The following TRAPPC9 variants were observed in gnomAD, a reference collection of about 807,000 sequenced individuals.
The protein encoded by TRAPPC9 is IKK2 binding protein.
Under a neutral mutation model 124.0 loss-of-function variants are expected in TRAPPC9, and 83 were observed. That is an observed-to-expected ratio of 0.67 (90% CI 0.56 to 0.80). TRAPPC9 has a LOEUF of 0.80. TRAPPC9 is among the 30% of genes least tolerant of loss of function. TRAPPC9 has a pLI of 0.00. For missense variants in TRAPPC9, 1,302 were observed against 1,508.3 expected, an observed-to-expected ratio of 0.86 and a Z score of 2.27; for synonymous variants, 638 against 617.5, an observed-to-expected ratio of 1.03 and a Z score of -0.49.
At position 140,196,070 on chromosome 8, in the gene TRAPPC9, CACA is replaced by C. The variant is rs2062657744; in HGVS notation, c.2556+25386_2556+25388del. ...CACATTGAACAATTCACATACAGAC[CACA>C]CCTGTGATACTAAAACACTCAATGA... On this transcript the variant is annotated intron_variant, in intron 17 of 22. Transcript: ENST00000438773. Among the ~76,000 whole-genome samples, 2 of 6,716 alleles carry C rather than the reference CACA, an allele frequency of 3.0e-4. 1 individual carries two copies. The highest frequency in any genetic ancestry group is 6.2e-4 in the Non-Finnish European group (2 of 3,228). 4.4% of individuals were successfully genotyped at this position (6,716 alleles called of 152,430 possible).
chr8:139,865,573 T>A (rs1042667030), intron 21 of TRAPPC9, among the ~76,000 whole-genome samples: 2 of 151,734 alleles, frequency 1.3e-5, no homozygotes, highest in Non-Finnish European at 2.9e-5. Context: ...CCGGGAAGAA[T>A]GAGTAAGAGT....
intron 18 of TRAPPC9, among the ~76,000 whole-genome samples, chr8:140,009,187 G>A (rs1838959586): frequency 6.6e-6 from 1 of 152,100 alleles, no homozygotes; most frequent in African/African-American, 2.4e-5. Context: ...TGATACTTCA[G>A]AAGAACATCC....
intron 20 of TRAPPC9, among the ~76,000 whole-genome samples, chr8:139,896,654 GTA>G (rs1252783014): frequency 1.3e-5 from 2 of 152,320 alleles, no homozygotes; most frequent in East Asian, 3.9e-4. Context: ...TCGATATGTT[GTA>G]TTGACTCCTC....
intron 6 of TRAPPC9, among the ~76,000 whole-genome samples, chr8:140,402,861 T>A (rs955289177): frequency 6.6e-6 from 1 of 151,862 alleles, no homozygotes; most frequent in South Asian, 2.1e-4. Context: ...AAGAAAAAAA[T>A]ATGAATTCAA....
intron 16 of TRAPPC9, among the ~76,000 whole-genome samples, chr8:140,234,961 T>C (rs1395871411): frequency 6.6e-6 from 1 of 152,206 alleles, no homozygotes; most frequent in South Asian, 2.1e-4. Flanking sequence ...TTAAGAAATC[T>C]AAGAAAATTT....
intron 17 of TRAPPC9, among the ~76,000 whole-genome samples, chr8:140,085,282 T>C (rs1318236540): frequency 2.0e-5 from 3 of 151,890 alleles, no homozygotes; most frequent in East Asian, 1.9e-4. Context: ...CTTGCCCTTA[T>C]TTTACACTTT....
chr8:140,135,893 G>A (rs1251629293), intron 17 of TRAPPC9, among the ~76,000 whole-genome samples: 4 of 152,212 alleles, frequency 2.6e-5, no homozygotes, highest in Non-Finnish European at 5.9e-5. Context: ...ATAAGGTGGT[G>A]GGAGCCTGGC....
intron 9 of TRAPPC9, among the ~76,000 whole-genome samples, chr8:140,355,166 C>T (rs997778238): frequency 2.6e-5 from 4 of 152,182 alleles, no homozygotes; most frequent in Non-Finnish European, 5.9e-5. Context: ...TCACAGTGTG[C>T]GTCCCCTTCC....
chr8:140,290,899 T>C (rs1275208825), intron 12 of TRAPPC9, 94 bp downstream of exon 12: 13 of 973,538 alleles, frequency 1.3e-5, no homozygotes, highest in Non-Finnish European at 2.2e-5. Flanking sequence ...CAGACACATA[T>C]CGTAAGATGT....
chr8:140,186,051 T>C (rs2062348435), intron 17 of TRAPPC9, among the ~76,000 whole-genome samples: 1 of 152,158 alleles, frequency 6.6e-6, no homozygotes, highest in African/African-American at 2.4e-5. Flanking sequence ...CCAAAAGCTA[T>C]TGTCACAAGT....
chr8:140,272,117 A>ATGGTGATGGTGGCGATGGTGG (rs2131618933), intron 15 of TRAPPC9, among the ~76,000 whole-genome samples: 1 of 48,770 alleles, frequency 2.1e-5, no homozygotes, highest in East Asian at 3.1e-4. Flanking sequence ...GGTGGTGGCA[A>ATGGTGATGGTGGCGATGGTGG]TGGTGATGGT....
chr8:139,933,874 T>C (rs1359943243), intron 19 of TRAPPC9: 9 of 152,158 alleles, frequency 5.9e-5, no homozygotes, highest in Admixed American at 5.9e-4. Flanking sequence ...TTTCTTTATC[T>C]ATAAAGCAGC....
chr8:140,036,756 G>A (rs866585601), intron 17 of TRAPPC9, among the ~76,000 whole-genome samples: 15 of 152,300 alleles, frequency 9.8e-5, no homozygotes, highest in Non-Finnish European at 1.5e-4. Flanking sequence ...CCAGCGGAGC[G>A]ACCCTCACCT....
chr8:139,826,149 T>C (rs1282584602), intron 21 of TRAPPC9, among the ~76,000 whole-genome samples: 2 of 152,294 alleles, frequency 1.3e-5, no homozygotes, highest in South Asian at 2.1e-4. Context: ...CCAGTCTTTC[T>C]AGGCCCAGAG....
chr8:139,931,530 AT>A (rs1054141363), intron 19 of TRAPPC9: 8 of 152,306 alleles, frequency 5.3e-5, no homozygotes, highest in African/African-American at 1.9e-4. Context: ...CAAAGCTCTC[AT>A]TGTACAAAAA....
intron 10 of TRAPPC9, 62 bp downstream of exon 10, chr8:140,311,186 C>T (rs2066285915): frequency 6.3e-7 from 1 of 1,584,210 alleles, no homozygotes; most frequent in Non-Finnish European, 8.6e-7. Flanking sequence ...TATTCACAAT[C>T]AGACTAGAGG....
At chr8:139,867,126 A>G (rs538032431) in intron 21 of TRAPPC9, among the ~76,000 whole-genome samples, 8 of 152,164 alleles carry the variant, frequency 5.3e-5, no homozygotes, top group Non-Finnish European at 1.2e-4. Flanking sequence ...GAGCCACTGC[A>G]CCTGGCCTCT....
chr8:139,746,490 G>A (rs912060000), intron 21 of TRAPPC9, among the ~76,000 whole-genome samples: 5 of 152,198 alleles, frequency 3.3e-5, no homozygotes, highest in Non-Finnish European at 5.9e-5. Context: ...ACAGGTCCAC[G>A]GGGTAGGGGA....
intron 21 of TRAPPC9, among the ~76,000 whole-genome samples, chr8:139,734,155 A>T (rs932504451): frequency 2.0e-5 from 3 of 152,180 alleles, no homozygotes; most frequent in African/African-American, 4.8e-5. Flanking sequence ...TCCTGGGTTC[A>T]CAGGGAGGCT....
Sources: gnomAD v4.1 joint callset for allele counts (sites outside exome capture counted in the v4.1 genomes callset) on GRCh38, gnomAD v4.1.1 for gene constraint, MANE v1.5 for transcripts, NCBI Gene and HGNC (gene_info 2026-07-23, HGNC 2026-07-21) for gene names.